Variants in STPG2 observed in about 807,000 individuals in gnomAD.
STPG2 encodes the protein sperm-tail PG-rich repeat-containing protein 2.
STPG2 carries 56 observed loss-of-function variants against 54.2 expected under a neutral mutation model. The observed-to-expected ratio is 1.03, with a 90% CI of 0.83 to 1.29. The LOEUF (loss-of-function observed/expected upper bound fraction) is 1.29, where lower values mean the gene tolerates loss of function less well. Ranked by LOEUF, STPG2 falls within the 50% of genes most tolerant of loss-of-function variation. The pLI is 0.00. For missense variants in STPG2, 596 were observed against 544.9 expected, an observed-to-expected ratio of 1.09 and a Z score of -0.93; for synonymous variants, 200 against 181.8, an observed-to-expected ratio of 1.10 and a Z score of -0.81.
chr4:98,131,051 T>C (rs1245339389), intron 2 of STPG2, among the ~76,000 whole-genome samples: 1 of 152,000 alleles, frequency 6.6e-6, no homozygotes, highest in Non-Finnish European at 1.5e-5. Flanking sequence ...TCCTGGAATA[T>C]ATCACACTAT....
chr4:97,861,324 T>C (rs1729528237), intron 8 of STPG2, among the ~76,000 whole-genome samples: 1 of 152,122 alleles, frequency 6.6e-6, no homozygotes, highest in East Asian at 1.9e-4. Context: ...ATGGCTTTTA[T>C]CCTAAAGATA....
At chr4:98,018,326 G>A (rs1011369105) in intron 5 of STPG2, among the ~76,000 whole-genome samples, 2 of 152,086 alleles carry the variant, frequency 1.3e-5, no homozygotes, top group South Asian at 2.1e-4. Context: ...TTTCATCCAT[G>A]TCCCTACAAA....
At chr4:97,883,938 A>G (rs1578653604) in intron 8 of STPG2, among the ~76,000 whole-genome samples, 1 of 152,106 alleles carries the variant, frequency 6.6e-6, no homozygotes, top group South Asian at 2.1e-4. Flanking sequence ...AGGAAGGAAG[A>G]AAGGAAGGCA....
chr4:97,711,134 CA>C (rs1724104070), intron 10 of STPG2, among the ~76,000 whole-genome samples: 1 of 151,914 alleles, frequency 6.6e-6, no homozygotes, highest in Non-Finnish European at 1.5e-5. Flanking sequence ...AACAGGATAC[CA>C]TTAGATTGGC....
chr4:97,759,947 A>C (rs990609472), intron 9 of STPG2, among the ~76,000 whole-genome samples: 1 of 152,114 alleles, frequency 6.6e-6, no homozygotes, highest in Non-Finnish European at 1.5e-5. Flanking sequence ...AAGTTTCCTC[A>C]AGTATGAATC....
At chr4:97,638,558 A>G (rs1481487545) in intron 10 of STPG2, among the ~76,000 whole-genome samples, 2 of 151,276 alleles carry the variant, frequency 1.3e-5, no homozygotes, top group Non-Finnish European at 2.9e-5. Context: ...TGAACAGGCA[A>G]CCTACAAAAT....
chr4:97,890,460 T>C (rs1239415346), intron 8 of STPG2, among the ~76,000 whole-genome samples: 1 of 151,876 alleles, frequency 6.6e-6, no homozygotes, highest in Admixed American at 6.6e-5. Flanking sequence ...GCATAAATTT[T>C]AAAAAATTAT....
intron 8 of STPG2, among the ~76,000 whole-genome samples, chr4:97,851,982 T>C (rs1224198495): frequency 6.6e-6 from 1 of 152,192 alleles, no homozygotes; most frequent in South Asian, 2.1e-4. Flanking sequence ...ATAATATCCA[T>C]TCTTCAGAGT....
At chr4:97,800,382 G>A (rs1030403391) in intron 9 of STPG2, among the ~76,000 whole-genome samples, 4 of 152,216 alleles carry the variant, frequency 2.6e-5, no homozygotes, top group African/African-American at 9.6e-5. Context: ...CTTTCTGTTT[G>A]TTAGTTTTCC....
intron 8 of STPG2, among the ~76,000 whole-genome samples, chr4:97,841,532 G>T (rs967519552): frequency 1.3e-5 from 2 of 151,854 alleles, no homozygotes; most frequent in Non-Finnish European, 1.5e-5. Flanking sequence ...GACAAGTAAT[G>T]CCTTAAACAA....
At chr4:97,570,626 C>A (rs978318234) in intron 10 of STPG2, among the ~76,000 whole-genome samples, 2 of 151,736 alleles carry the variant, frequency 1.3e-5, no homozygotes, top group South Asian at 2.1e-4. Flanking sequence ...CCACTGAAGA[C>A]AATTTTGGAG....
At position 97,523,987 on chromosome 4, in the gene STPG2, T is replaced by G. The variant is rs538172423; in HGVS notation, c.462+188712A>C. On this transcript the variant is annotated intron_variant, in intron 4 of 4. Coordinates refer to the STPG2 transcript ENST00000522676. ...GAATCTCTGAAGGAGGACTCAGACC[T>G]GGGTTCAAGGGACATGGAAGATTTC... 2.0e-5 allele frequency among the ~76,000 whole-genome samples: 3 copies of G among 152,068 alleles called. No individual in the cohort carries two copies. In the East Asian group the frequency reaches 5.8e-4, roughly 29 times the overall value.
chr4:98,067,573 GT>G (rs1737872489), intron 5 of STPG2, among the ~76,000 whole-genome samples: 1 of 152,102 alleles, frequency 6.6e-6, no homozygotes, highest in Admixed American at 6.6e-5. Context: ...GCTTCGTAAA[GT>G]TTTTGGAGCA....
At chr4:97,466,048 G>C (rs1729781347) in intron 4 of STPG2, among the ~76,000 whole-genome samples, 1 of 151,736 alleles carries the variant, frequency 6.6e-6, no homozygotes, top group Admixed American at 6.6e-5. Context: ...GAGAAGTTTT[G>C]TGTTTGCTTC....
At chr4:97,847,968 A>G (rs943870959) in intron 8 of STPG2, among the ~76,000 whole-genome samples, 1 of 152,198 alleles carries the variant, frequency 6.6e-6, no homozygotes, top group Admixed American at 6.6e-5. Context: ...TGGCAGTTGT[A>G]CTAACTGCTT....
chr4:97,905,683 C>T (rs1560581808), intron 8 of STPG2, among the ~76,000 whole-genome samples: 1 of 152,080 alleles, frequency 6.6e-6, no homozygotes, highest in Non-Finnish European at 1.5e-5. Flanking sequence ...GAGTCAAGAT[C>T]CATCAGTGTG....
chr4:97,568,900 G>GT (rs70953073), intron 10 of STPG2, among the ~76,000 whole-genome samples: 14,319 of 143,704 alleles, frequency 0.1, 873 homozygotes, highest in South Asian at 0.18. Flanking sequence ...TTTTTGTTTT[G>GT]TTTTTTTTTT....
intron 9 of STPG2, among the ~76,000 whole-genome samples, chr4:97,740,218 A>T (rs1373418652): frequency 1.3e-5 from 2 of 152,228 alleles, no homozygotes; most frequent in African/African-American, 4.8e-5. Context: ...GTATCTCAAA[A>T]TAATAACAGC....
chr4:97,971,724 C>A (rs890888656), intron 7 of STPG2, among the ~76,000 whole-genome samples: 1 of 151,912 alleles, frequency 6.6e-6, no homozygotes, highest in African/African-American at 2.4e-5. Context: ...GTGCAGGAAA[C>A]CAACATGGAA....
Sources: gnomAD v4.1 joint callset for allele counts (sites outside exome capture counted in the v4.1 genomes callset) on GRCh38, gnomAD v4.1.1 for gene constraint, MANE v1.5 for transcripts, NCBI Gene and HGNC (gene_info 2026-07-23, HGNC 2026-07-21) for gene names.